The following SUMF1 variants were observed in gnomAD, a reference collection of about 807,000 sequenced individuals.
SUMF1 encodes the protein sulfatase modifying factor 1.
SUMF1 carries 48 observed loss-of-function variants against 47.6 expected under a neutral mutation model. The observed-to-expected ratio is 1.01, with a 90% CI of 0.80 to 1.28. The LOEUF is 1.28. SUMF1 is among the 50% of genes most tolerant of loss of function. The probability of loss-of-function intolerance (pLI) is 0.00; values close to 1 mark genes in which losing one functional copy is unlikely to be tolerated. For synonymous variants in SUMF1, 230 were observed against 192.1 expected (o/e 1.20, Z -1.63); for missense variants, 571 against 485.4 (o/e 1.18, Z -1.66).
At chr3:4,369,655 C>T (rs1700109149) in intron 8 of SUMF1, among the ~76,000 whole-genome samples, 1 of 152,150 alleles carries the variant, frequency 6.6e-6, no homozygotes. Context: ...GGCAGTGGTC[C>T]TCGGACCTCA....
At chr3:4,178,339 C>T (rs1364045399) in intron 8 of SUMF1, among the ~76,000 whole-genome samples, 1 of 152,148 alleles carries the variant, frequency 6.6e-6, no homozygotes, top group Non-Finnish European at 1.5e-5. Flanking sequence ...AAAGCTTATC[C>T]ACCACAATCA....
intron 9 of SUMF1, among the ~76,000 whole-genome samples, chr3:4,067,330 G>A (rs964006414): frequency 6.6e-6 from 1 of 152,138 alleles, no homozygotes; most frequent in Non-Finnish European, 1.5e-5. Flanking sequence ...TTGGTTTTGA[G>A]GCATATATAC....
intron 8 of SUMF1, among the ~76,000 whole-genome samples, chr3:4,323,948 C>A (rs1359672813): frequency 6.6e-6 from 1 of 152,164 alleles, no homozygotes; most frequent in African/African-American, 2.4e-5. Context: ...ATTCCTATTA[C>A]TTAGAATTCC....
intron 4 of SUMF1, among the ~76,000 whole-genome samples, 195 bp from the exon 5 acceptor site, chr3:4,418,327 T>C (rs1701785514): frequency 6.6e-6 from 1 of 152,174 alleles, no homozygotes; most frequent in East Asian, 1.9e-4. Flanking sequence ...GGCTCCCAAA[T>C]GGGTTACAGT....
At chr3:4,094,221 T>C (rs545159255) in intron 8 of SUMF1, among the ~76,000 whole-genome samples, 5 of 152,184 alleles carry the variant, frequency 3.3e-5, no homozygotes, top group African/African-American at 9.6e-5. Flanking sequence ...ATCGGACTTT[T>C]GGTGTTGAGC....
At chr3:4,260,951 G>C (rs1352198719) in intron 8 of SUMF1, among the ~76,000 whole-genome samples, 1 of 152,100 alleles carries the variant, frequency 6.6e-6, no homozygotes, top group Non-Finnish European at 1.5e-5. Context: ...GTGATACCTT[G>C]ATTTTAGCCC....
intron 8 of SUMF1, among the ~76,000 whole-genome samples, chr3:4,367,231 A>C (rs528192456): frequency 8.5e-5 from 13 of 152,180 alleles, no homozygotes; most frequent in South Asian, 6.2e-4. Flanking sequence ...GTGCTGGGAG[A>C]ACCACTGCTC....
At chr3:4,452,574 G>C (rs1430422416) in intron 2 of SUMF1, among the ~76,000 whole-genome samples, 1 of 152,192 alleles carries the variant, frequency 6.6e-6, no homozygotes, top group African/African-American at 2.4e-5. Flanking sequence ...ACACAATATA[G>C]CATAATAGTT....
chr3:4,315,067 T>C (rs1273851378), intron 8 of SUMF1, among the ~76,000 whole-genome samples: 1 of 152,202 alleles, frequency 6.6e-6, no homozygotes, highest in Non-Finnish European at 1.5e-5. Context: ...TAACATTACA[T>C]GGAATGGTTC....
intron 8 of SUMF1, among the ~76,000 whole-genome samples, chr3:4,288,790 C>T (rs537727032): frequency 3.6e-5 from 5 of 138,374 alleles, no homozygotes; most frequent in Admixed American, 2.1e-4. Context: ...AACAACAGAG[C>T]GAGACTCTGT....
chr3:4,214,774 G>A (rs1261641268), intron 8 of SUMF1, among the ~76,000 whole-genome samples: 3 of 96,600 alleles, frequency 3.1e-5, no homozygotes, highest in South Asian at 4.0e-4. Flanking sequence ...ACACCTCTGC[G>A]AAAATAAGCT....
chr3:4,202,956 AT>A (rs928754948), intron 8 of SUMF1, among the ~76,000 whole-genome samples: 14 of 151,082 alleles, frequency 9.3e-5, no homozygotes, highest in African/African-American at 3.2e-4. Flanking sequence ...TATTATTTCC[AT>A]TTTTTTTAAT....
chr3:4,405,811 G>A (rs1218961242), intron 7 of SUMF1, among the ~76,000 whole-genome samples: 2 of 152,162 alleles, frequency 1.3e-5, no homozygotes, highest in African/African-American at 4.8e-5. Context: ...AAAACAAACT[G>A]AATCTCTGGC....
At chr3:4,048,718 C>T (rs1246175607) in intron 9 of SUMF1, among the ~76,000 whole-genome samples, 3 of 152,130 alleles carry the variant, frequency 2.0e-5, no homozygotes, top group Non-Finnish European at 4.4e-5. Context: ...ATACAGTAGT[C>T]ATGGACCTTA....
chr3:4,271,098 C>T (rs1470038235), intron 8 of SUMF1, among the ~76,000 whole-genome samples: 2 of 152,166 alleles, frequency 1.3e-5, no homozygotes, highest in Non-Finnish European at 2.9e-5. Context: ...CTCAAAGTCA[C>T]TGAAAGTGCT....
chr3:4,162,231 A>G (rs2125114750), intron 8 of SUMF1, among the ~76,000 whole-genome samples: 1 of 152,272 alleles, frequency 6.6e-6, no homozygotes. Context: ...CTCAAGTGGA[A>G]GAAAGGAGTT....
At chr3:4,150,926 G>C (rs1024724764) in intron 8 of SUMF1, among the ~76,000 whole-genome samples, 3 of 151,320 alleles carry the variant, frequency 2.0e-5, no homozygotes, top group African/African-American at 4.9e-5. Context: ...GCCCCAAAAC[G>C]GCCAGCAAAC....
chr3:4,177,522 T>C (rs1032426452), intron 8 of SUMF1, among the ~76,000 whole-genome samples: 6 of 152,180 alleles, frequency 3.9e-5, no homozygotes, highest in African/African-American at 9.7e-5. Flanking sequence ...CCAGAATCTC[T>C]GGGACACATT....
At chr3:4,356,030 A>T (rs989865507) in intron 8 of SUMF1, among the ~76,000 whole-genome samples, 7 of 152,222 alleles carry the variant, frequency 4.6e-5, no homozygotes, top group Non-Finnish European at 8.8e-5. Context: ...GATTTTGCTT[A>T]ATCAAAAAAT....
Sources: allele counts gnomAD v4.1 joint callset (sites outside exome capture counted in the v4.1 genomes callset), GRCh38; gene constraint gnomAD v4.1.1; transcripts MANE v1.5; gene names NCBI Gene and HGNC (gene_info 2026-07-23, HGNC 2026-07-21).